Variants in ERBB4 observed in about 807,000 individuals in gnomAD.
ERBB4 encodes erb-b2 receptor tyrosine kinase 4, also known as receptor tyrosine-protein kinase erbB-4.
A neutral mutation model predicts 158.0 loss-of-function variants in ERBB4; 42 were observed. That is an observed-to-expected ratio of 0.27 (90% CI 0.21 to 0.34). The LOEUF is 0.34. Ranked by LOEUF, ERBB4 falls within the 10% of genes least tolerant of loss-of-function variation. The pLI, the probability that ERBB4 is intolerant of heterozygous loss-of-function variation, is 1.00. For synonymous variants in ERBB4, 583 were observed against 558.7 expected, an observed-to-expected ratio of 1.04 and a Z score of -0.61; for missense variants, 1,333 against 1,624.1, an observed-to-expected ratio of 0.82 and a Z score of 3.08.
At chr2:212,095,862 G>A (rs1338408742) in intron 2 of ERBB4, among the ~76,000 whole-genome samples, 7 of 150,618 alleles carry the variant, frequency 4.6e-5, no homozygotes, top group Admixed American at 4.0e-4. Context: ...GTAAACCTGG[G>A]AGGCGGAGCT....
intron 3 of ERBB4, among the ~76,000 whole-genome samples, chr2:211,818,567 T>A (rs2076926652): frequency 6.6e-6 from 1 of 152,058 alleles, no homozygotes; most frequent in African/African-American, 2.4e-5. Context: ...CCTATCTACT[T>A]ATGTTTAAGT....
At chr2:211,501,541 T>G (rs904113342) in intron 20 of ERBB4, among the ~76,000 whole-genome samples, 4 of 151,760 alleles carry the variant, frequency 2.6e-5, no homozygotes, top group African/African-American at 9.7e-5. Flanking sequence ...GCTTGTGTGT[T>G]TTTTTTAGAA....
chr2:212,211,380 CAA>C (rs1223057433), intron 1 of ERBB4, among the ~76,000 whole-genome samples: 1 of 152,064 alleles, frequency 6.6e-6, no homozygotes, highest in Non-Finnish European at 1.5e-5. Context: ...ACCTGTGCTG[CAA>C]AAGACTCAGC....
intron 20 of ERBB4, among the ~76,000 whole-genome samples, chr2:211,461,492 G>A (rs1336542262): frequency 2.6e-5 from 4 of 152,048 alleles, no homozygotes; most frequent in African/African-American, 7.2e-5. Flanking sequence ...CTTTTTTGTA[G>A]TATGCAGAAG....
chr2:211,542,977 T>G (rs1368231988), intron 20 of ERBB4, among the ~76,000 whole-genome samples: 2 of 151,970 alleles, frequency 1.3e-5, no homozygotes, highest in African/African-American at 4.8e-5. Context: ...GAGTGGTGAA[T>G]TAGTAAGTTG....
chr2:211,780,086 G>A (rs1268720069), intron 4 of ERBB4, among the ~76,000 whole-genome samples: 1 of 152,196 alleles, frequency 6.6e-6, no homozygotes, highest in Admixed American at 6.5e-5. Flanking sequence ...TGAAGGCTGG[G>A]CGCAGTGGCT....
intron 3 of ERBB4, among the ~76,000 whole-genome samples, chr2:211,801,216 G>A (rs182381259): frequency 2.0e-5 from 3 of 152,154 alleles, no homozygotes; most frequent in Admixed American, 6.5e-5. Flanking sequence ...TCTAATCACT[G>A]TAAAGGTAAA....
intron 15 of ERBB4, among the ~76,000 whole-genome samples, chr2:211,658,483 G>A (rs541951711): frequency 5.5e-4 from 84 of 152,158 alleles, no homozygotes; most frequent in African/African-American, 1.7e-3. Context: ...GAGTCAACAT[G>A]CTTTAATGCT....
chr2:211,419,448 C>T lies in ERBB4; in HGVS notation c.3135+993G>A, dbSNP rs72949606. Among the ~76,000 whole-genome samples, 221 of 151,168 alleles carry T rather than the reference C, an allele frequency of 1.5e-3. 1 individual carries two copies. Among genetic ancestry groups the T allele is most frequent in the Non-Finnish European group, 2.6e-3 (177 of 67,896 alleles). Reference sequence around the variant, plus strand: ...TCTTATGGCTATGGTCAAGAGAAATCGGATGCTGTCGGTTCTACTAGCTAT... The same window carrying T: ...TCTTATGGCTATGGTCAAGAGAAATTGGATGCTGTCGGTTCTACTAGCTAT... On this transcript the variant is annotated intron_variant, in intron 25 of 27. Coordinates refer to ENST00000342788, the MANE Select transcript of ERBB4 (RefSeq NM_005235.3).
chr2:212,393,011 G>A (rs1450803484), intron 1 of ERBB4, among the ~76,000 whole-genome samples: 1 of 151,904 alleles, frequency 6.6e-6, no homozygotes, highest in Non-Finnish European at 1.5e-5. Flanking sequence ...AAGATAACCA[G>A]GGGAACTACA....
chr2:212,344,079 T>C (rs913753825), intron 1 of ERBB4, among the ~76,000 whole-genome samples: 1 of 152,178 alleles, frequency 6.6e-6, no homozygotes, highest in African/African-American at 2.4e-5. Flanking sequence ...GGGAAAAATT[T>C]AGGGGAAAAA....
chr2:212,359,974 T>C (rs2089622320), intron 1 of ERBB4, among the ~76,000 whole-genome samples: 1 of 151,758 alleles, frequency 6.6e-6, no homozygotes, highest in African/African-American at 2.4e-5. Flanking sequence ...GAAATTTGCA[T>C]CTTTGTATCT....
At chr2:211,492,380 T>C (rs111898659) in intron 20 of ERBB4, among the ~76,000 whole-genome samples, 4,211 of 152,254 alleles carry the variant, frequency 0.028, 90 homozygotes, top group Middle Eastern at 0.061. Context: ...ACTGCATTTA[T>C]AAGTTTCATT....
intron 15 of ERBB4, among the ~76,000 whole-genome samples, chr2:211,663,363 T>C (rs1266970150): frequency 1.3e-5 from 2 of 152,186 alleles, no homozygotes; most frequent in Non-Finnish European, 1.5e-5. Context: ...TGCATTTACC[T>C]TGGAAGATGC....
chr2:211,971,929 G>A (rs2081465068), intron 2 of ERBB4, among the ~76,000 whole-genome samples: 1 of 152,100 alleles, frequency 6.6e-6, no homozygotes, highest in Admixed American at 6.6e-5. Flanking sequence ...AGGGCAATCA[G>A]GCAAGAGAAA....
chr2:212,394,946 C>A (rs755317676), intron 1 of ERBB4, among the ~76,000 whole-genome samples: 2 of 152,034 alleles, frequency 1.3e-5, no homozygotes, highest in Non-Finnish European at 2.9e-5. Context: ...GATCAAGTGG[C>A]CTTAAACGTC....
At chr2:212,021,787 C>G (rs2076656595) in intron 2 of ERBB4, among the ~76,000 whole-genome samples, 1 of 151,500 alleles carries the variant, frequency 6.6e-6, no homozygotes, top group African/African-American at 2.4e-5. Flanking sequence ...GAACAGACAA[C>G]AAAATGGGAG....
At position 211,386,909 on chromosome 2, in the gene ERBB4, C is replaced by T. The variant is rs3748961; in HGVS notation, c.3425G>A (p.Arg1142Gln). 4.5e-5 allele frequency: 72 copies of T among 1,614,082 alleles called. No homozygotes were observed. The highest frequency in any genetic ancestry group is 2.7e-4 in the East Asian group (12 of 44,896). The part of the protein sequence containing the change: ...PTVFAPERSP[R>Q]GELDEEGYMT... Reference sequence around the variant, plus strand: ...GTAACCTTCCTCATCCAGCTCTCCTCGTGGGCTCCGTTCTGGGGCAAACAC... The same window carrying T: ...GTAACCTTCCTCATCCAGCTCTCCTTGTGGGCTCCGTTCTGGGGCAAACAC... Residue 1142 changes from arginine to glutamine, a missense_variant, in exon 27 of 28, where the codon CGA becomes CAA. Physicochemically the swap from Arg to Gln is conservative, Grantham distance 43 (BLOSUM62 1). Transcript: ENST00000342788.
chr2:212,472,469 A>G (rs1689163077), intron 1 of ERBB4, among the ~76,000 whole-genome samples: 2 of 151,504 alleles, frequency 1.3e-5, no homozygotes, highest in Non-Finnish European at 3.0e-5. Flanking sequence ...GACTTCTCAT[A>G]CTCCTTACAA....
Sources: allele counts gnomAD v4.1 joint callset (sites outside exome capture counted in the v4.1 genomes callset), GRCh38; gene constraint gnomAD v4.1.1; transcripts MANE v1.5; gene names NCBI Gene and HGNC (gene_info 2026-07-23, HGNC 2026-07-21).